Variants in PIP4K2B observed in about 807,000 individuals in gnomAD.
PIP4K2B encodes the protein phosphatidylinositol-5-phosphate 4-kinase type 2 beta.
Under a neutral mutation model 42.0 loss-of-function variants are expected in PIP4K2B, and 3 were observed. The observed-to-expected ratio is 0.07, with a 90% CI of 0.03 to 0.18. The LOEUF (loss-of-function observed/expected upper bound fraction) is 0.18, where lower values mean the gene tolerates loss of function less well. Ranked by LOEUF, PIP4K2B falls within the 10% of genes least tolerant of loss-of-function variation. The probability of loss-of-function intolerance (pLI) is 1.00; values close to 1 mark genes in which losing one functional copy is unlikely to be tolerated. For missense variants in PIP4K2B, 332 were observed against 562.3 expected, an observed-to-expected ratio of 0.59 and a Z score of 4.14; for synonymous variants, 204 against 210.1, an observed-to-expected ratio of 0.97 and a Z score of 0.25.
chr17:38,789,539 G>A (rs1260314426), intron 1 of PIP4K2B, among the ~76,000 whole-genome samples: 6 of 152,208 alleles, frequency 3.9e-5, no homozygotes, highest in Non-Finnish European at 8.8e-5. Context: ...CCAGGTGGCA[G>A]TGAGGGGATA....
At chr17:38,779,077 T>C (rs1204503306) in intron 5 of PIP4K2B, among the ~76,000 whole-genome samples, 1 of 152,314 alleles carries the variant, frequency 6.6e-6, no homozygotes, top group East Asian at 1.9e-4. Context: ...TGGCAGTCCA[T>C]GGGGGCCTGA....
intron 3 of PIP4K2B, 108 bp downstream of exon 3, chr17:38,784,135 G>C (rs911590741): frequency 1.9e-5 from 13 of 691,520 alleles, no homozygotes; most frequent in Admixed American, 4.8e-5. Context: ...GCATGACAGG[G>C]AGACACAGCA....
intron 6 of PIP4K2B, 46 bp from the exon 7 acceptor site, chr17:38,777,846 C>A (rs1909451258): frequency 2.2e-6 from 3 of 1,337,924 alleles, no homozygotes; most frequent in African/African-American, 1.4e-5. Context: ...GATTAATTCA[C>A]CCCAGGGACA....
intron 7 of PIP4K2B, 55 bp downstream of exon 7, chr17:38,777,632 G>A (rs1027030518): frequency 3.6e-5 from 40 of 1,101,188 alleles, no homozygotes; most frequent in African/African-American, 3.1e-4. Flanking sequence ...TTTAAGAGGC[G>A]CCTACTCTAG....
Position 38,777,741 on chromosome 17 carries a change from A to T in PIP4K2B, c.753T>A (p.His251Gln), listed in dbSNP as rs771831557. The T allele has an allele frequency of 6.2e-7, 1 of 1,614,202 alleles. No homozygotes were observed. The highest frequency in any genetic ancestry group is 1.1e-5 in the South Asian group (1 of 91,086). Residue 251 changes from histidine to glutamine, a missense_variant, in exon 7 of 10, where the codon CAT becomes CAA. Transcript: ENST00000619039. ...AGTTCTTTTTACTCTCCTCTCCCAC[A>T]TGCAGCTTCTGCCCTTCATTGAGGA... ...NDFLNEGQKL[H>Q]VGEESKKNFL... is the part of the protein sequence containing the mutation.
At position 38,799,289 on chromosome 17, in the gene PIP4K2B, G is replaced by C; in HGVS notation, c.136C>G (p.Leu46Val). Reference protein sequence around the residue: ...FRASEPILSVLMWGVNHTINE... With the variant: ...FRASEPILSVVMWGVNHTINE... Reference sequence around the variant, plus strand: ...ACCGTGTGGTTCACCCCCCACATCAGGACGCTGAGGATCGGCTCGCTGGCC... The same window carrying C: ...ACCGTGTGGTTCACCCCCCACATCACGACGCTGAGGATCGGCTCGCTGGCC... Residue 46 changes from leucine (L) to valine (V), a missense_variant, in exon 1 of 10, where the codon CTG (leucine) becomes GTG (valine). Transcript: ENST00000619039. This position sits in a 1 kb window ranked among gnomAD's most constrained non-coding sequence, Gnocchi z 4.4. 1 of 1,606,646 alleles carries C rather than the reference G, an allele frequency of 6.2e-7. No individual in the cohort carries two copies. The highest frequency in any genetic ancestry group is 8.5e-7 in the Non-Finnish European group (1 of 1,177,260).
rs1909634729 is a variant in PIP4K2B, at chr17:38,780,498, C to T, written c.461G>A (p.Ser154Asn). The stretch of plus-strand genomic sequence containing the variant: ...GTTGTGCATCTCCGCCACGTCCTCG[C>T]TGGACACAGTCTTGATGACAAAGCG... ...DRRFVIKTVS[S>N]EDVAEMHNIL... The change falls in exon 4 of 10, where the codon AGC (serine) becomes AAC (asparagine). Residue 154 changes from serine to asparagine, a missense_variant. Coordinates refer to ENST00000619039, the MANE Select transcript of PIP4K2B (RefSeq NM_003559.5). 6.2e-7 allele frequency: 1 copy of T among 1,613,928 alleles called. No homozygotes were observed. Among genetic ancestry groups the T allele is most frequent in the Non-Finnish European group, 8.5e-7 (1 of 1,179,826 alleles).
At chr17:38,796,700 A>G (rs999013734) in intron 1 of PIP4K2B, among the ~76,000 whole-genome samples, 1 of 152,202 alleles carries the variant, frequency 6.6e-6, no homozygotes, top group Non-Finnish European at 1.5e-5. Flanking sequence ...TCACCTCATG[A>G]AAGGGTAACT....
chr17:38,786,955 G>A (rs1241276224), intron 1 of PIP4K2B, 35 bp from the exon 2 acceptor site: 1 of 1,356,336 alleles, frequency 7.4e-7, no homozygotes, highest in Non-Finnish European at 1.1e-6. Flanking sequence ...CTCTCAGCCA[G>A]GAGGCCACCT....
chr17:38,780,948 C>T (rs539538520), intron 3 of PIP4K2B, among the ~76,000 whole-genome samples: 11 of 152,276 alleles, frequency 7.2e-5, no homozygotes, highest in East Asian at 1.9e-4. Flanking sequence ...GACTCTCACA[C>T]GCACTATGAC....
At position 38,799,484 on chromosome 17, in the gene PIP4K2B, G is replaced by A; in HGVS notation, c.-60C>T. On this transcript the variant is annotated 5_prime_UTR_variant, in exon 1 of 10. Transcript: ENST00000619039. This position sits in a 1 kb window ranked among gnomAD's most constrained non-coding sequence, Gnocchi z 4.4. ...GGCGGCGGAGACAGCGCACAAGCCA[G>A]CGGCCTCAGGCCTCCCCCGGACCGA... 6.8e-7 allele frequency: 1 copy of A among 1,481,206 alleles called. No homozygotes were observed. 91.8% of individuals were successfully genotyped at this position (1,481,206 alleles called of 1,614,324 possible).
At chr17:38,791,740 A>C (rs1910352647) in intron 1 of PIP4K2B, among the ~76,000 whole-genome samples, 1 of 148,964 alleles carries the variant, frequency 6.7e-6, no homozygotes, top group African/African-American at 2.5e-5. Context: ...ATTTACTTCT[A>C]CTCAGTGTAT....
chr17:38,767,791 A>G lies in PIP4K2B; in HGVS notation c.*1900T>C, dbSNP rs1221116887. 1.3e-5 allele frequency: 2 copies of G among 152,200 alleles called. No homozygotes were observed. Among genetic ancestry groups the G allele is most frequent in the African/African-American group, 4.8e-5 (2 of 41,436 alleles). The allele number at this position is 152,200 out of a possible 1,614,324, so 9.4% of individuals were successfully genotyped here. The stretch of plus-strand genomic sequence containing the variant: ...GAAATCAAGTCCAAACATTATTCCT[A>G]CATAATCCCTTTCCCAAGTCAAATT... On this transcript the variant is annotated 3_prime_UTR_variant, in exon 10 of 10. Transcript: ENST00000619039.
intron 7 of PIP4K2B, 69 bp downstream of exon 7, chr17:38,777,618 A>T: frequency 1.0e-6 from 1 of 997,604 alleles, no homozygotes; most frequent in Non-Finnish European, 1.6e-6. Flanking sequence ...CATTCTTCTT[A>T]AGGTTTAAGA....
At chr17:38,798,618 C>G (rs962471921) in intron 1 of PIP4K2B, among the ~76,000 whole-genome samples, 1 of 152,198 alleles carries the variant, frequency 6.6e-6, no homozygotes, top group Admixed American at 6.5e-5. Flanking sequence ...GCATCCTCTT[C>G]TCTCAAATGG....
rs563089919 is a variant in PIP4K2B at position 38,767,560 on chromosome 17, T to G, written c.*2131A>C. Reference sequence around the variant, plus strand: ...ACACACAAACTCAATGTTAAACAAGTTAGATACCTGGTAGTCGTCTTTAAC... The same window carrying G: ...ACACACAAACTCAATGTTAAACAAGGTAGATACCTGGTAGTCGTCTTTAAC... On this transcript the variant is annotated 3_prime_UTR_variant, in exon 10 of 10. Coordinates refer to ENST00000619039, the MANE Select transcript of PIP4K2B (RefSeq NM_003559.5). 1.7e-4 allele frequency: 26 copies of G among 152,146 alleles called. No individual in the cohort carries two copies. The highest frequency in any genetic ancestry group is 3.4e-3 in the Middle Eastern group (1 of 294). The allele number at this position is 152,146 out of a possible 1,614,324, so 9.4% of individuals were successfully genotyped here.
intron 1 of PIP4K2B, among the ~76,000 whole-genome samples, chr17:38,792,306 C>G (rs1183743677): frequency 6.6e-6 from 1 of 151,980 alleles, no homozygotes; most frequent in South Asian, 2.1e-4. Context: ...GCCATCATGC[C>G]CAGCTAATTT....
At position 38,779,349 on chromosome 17, in the gene PIP4K2B, G is replaced by A. The variant is rs7216947; in HGVS notation, c.654+34C>T. On this transcript the variant is annotated intron_variant, in intron 5 of 9. Transcript: ENST00000619039. The stretch of plus-strand genomic sequence containing the variant: ...GCCCCTTCGGGGCTCAGATAGAGGG[G>A]AGGCACAGCTCCGGCAAACACAGAG... The A allele has an allele frequency of 2.6e-3, 4,154 of 1,586,498 alleles. 91 individuals are homozygous for A. The African/African-American group carries it at 0.049, about 19-fold the overall frequency.
Position 38,795,219 on chromosome 17 carries a change from T to C in PIP4K2B, c.159+4047A>G, listed in dbSNP as rs370325993. 1.7e-4 allele frequency among the ~76,000 whole-genome samples: 26 copies of C among 152,070 alleles called. No homozygotes were observed. In the South Asian group the frequency reaches 5.2e-3, roughly 30 times the overall value. On this transcript the variant is annotated intron_variant, in intron 1 of 9. Transcript: ENST00000619039. ...GTATCTAGAATATAAAAAGAATTCT[T>C]GTAACTCAATAATAAGAAGATAACC...
Sources: gnomAD v4.1 joint callset for allele counts (sites outside exome capture counted in the v4.1 genomes callset) on GRCh38, gnomAD v4.1.1 for gene constraint, Gnocchi (gnomAD v3.1) non-coding constraint, MANE v1.5 for transcripts, NCBI Gene and HGNC (gene_info 2026-07-23, HGNC 2026-07-21) for gene names.